Variants in CLSTN1 observed in about 807,000 individuals in gnomAD.
CLSTN1 encodes calsyntenin 1, also known as calsyntenin-1.
In CLSTN1, 28 loss-of-function variants were observed where a neutral mutation model predicts 108.3. That is an observed-to-expected ratio of 0.26 (90% CI 0.19 to 0.35). The LOEUF (loss-of-function observed/expected upper bound fraction) is 0.35, where lower values mean the gene tolerates loss of function less well. Ranked by LOEUF, CLSTN1 falls within the 10% of genes least tolerant of loss-of-function variation. The pLI, the probability that CLSTN1 is intolerant of heterozygous loss-of-function variation, is 1.00. For missense variants in CLSTN1, 1,157 were observed against 1,302.6 expected (o/e 0.89, Z 1.72); for synonymous variants, 524 against 534.9 (o/e 0.98, Z 0.28).
rs531140267 is a variant in CLSTN1 at position 9,784,236 on chromosome 1, G to A, written c.92-10842C>T. The stretch of plus-strand genomic sequence containing the variant: ...CATGCACCTGTAACCCCAGCTACTC[G>A]GAAGGTTGAGGCAGGGGAATCTCTT... On this transcript the variant is annotated intron_variant, in intron 1 of 18. Transcript: ENST00000377298. 2.3e-4 allele frequency among the ~76,000 whole-genome samples: 35 copies of A among 151,854 alleles called. No homozygotes were observed. The East Asian group carries it at 5.2e-3, about 23-fold the overall frequency.
intron 2 of CLSTN1, among the ~76,000 whole-genome samples, chr1:9,767,371 C>T (rs1402242068): frequency 8.6e-5 from 13 of 152,008 alleles, no homozygotes; most frequent in Non-Finnish European, 1.8e-4. Context: ...GGTAAAACCC[C>T]GTCTCTAATA....
Position 9,731,861 on chromosome 1 carries a change from G to A in CLSTN1, c.2463C>T (p.His821=), listed in dbSNP as rs745837689. The change falls in exon 17 of 19, where the codon CAC becomes CAT. Residue 821 remains histidine, a synonymous_variant. Transcript: ENST00000377298. The part of the protein sequence containing the change: ...NVIHTANPME[H]ANHMAAQPQF... ...GTGGCTGGGCAGCCATGTGGTTGGC[G>A]TGTTCCATGGGGTTGGCCGTGTGGA... The A allele has an allele frequency of 9.3e-6, 15 of 1,614,068 alleles. No individual in the cohort carries two copies. Among genetic ancestry groups the A allele is most frequent in the African/African-American group, 1.3e-5 (1 of 74,918 alleles).
At chr1:9,751,728 T>A in intron 4 of CLSTN1, 47 bp from the exon 5 acceptor site, 2 of 1,550,748 alleles carry the variant, frequency 1.3e-6, no homozygotes, top group South Asian at 1.1e-5. Context: ...GTTTTCAGTG[T>A]GAGAGAGAGA....
intron 2 of CLSTN1, among the ~76,000 whole-genome samples, chr1:9,759,070 CAAG>C (rs1430965504): frequency 6.6e-6 from 1 of 152,128 alleles, no homozygotes; most frequent in Non-Finnish European, 1.5e-5. Context: ...GTGGCTGCTG[CAAG>C]AAGACAATGG....
intron 7 of CLSTN1, among the ~76,000 whole-genome samples, chr1:9,744,913 C>A (rs1302658373): frequency 6.6e-6 from 1 of 151,752 alleles, no homozygotes. Flanking sequence ...CCCATTAAAA[C>A]TGGCTAATTT....
rs186953556 is a variant in CLSTN1, at chr1:9,788,734, G to A, written c.92-15340C>T. Among the ~76,000 whole-genome samples, 246 of 150,974 alleles carry A rather than the reference G, an allele frequency of 1.6e-3. 2 individuals are homozygous for A. Among genetic ancestry groups the A allele is most frequent in the African/African-American group, 5.6e-3 (231 of 41,440 alleles). ...ATGCAAAACATTTGCCAGGCGTGGT[G>A]GCGGGTGCCTGCAGTCCCAGCTCCT... On this transcript the variant is annotated intron_variant, in intron 1 of 18. Coordinates refer to ENST00000377298, the MANE Select transcript of CLSTN1 (RefSeq NM_001009566.3).
At chr1:9,744,808 C>T (rs979051115) in intron 7 of CLSTN1, among the ~76,000 whole-genome samples, 165 bp from the exon 8 acceptor site, 3 of 151,914 alleles carry the variant, frequency 2.0e-5, no homozygotes, top group African/African-American at 7.3e-5. Context: ...GGCTGGAGTA[C>T]AGTGGCGCGA....
intron 1 of CLSTN1, among the ~76,000 whole-genome samples, chr1:9,785,973 C>T (rs2101205698): frequency 1.3e-5 from 2 of 151,682 alleles, no homozygotes; most frequent in South Asian, 2.1e-4. Flanking sequence ...TTCAGGAGTT[C>T]GACACCAGCC....
chr1:9,751,321 G>A (rs946116442), intron 5 of CLSTN1, 152 bp downstream of exon 5: 18 of 685,408 alleles, frequency 2.6e-5, no homozygotes, highest in Non-Finnish European at 4.1e-5. Context: ...AAACTTAAAT[G>A]TTTTTACAAT....
intron 1 of CLSTN1, among the ~76,000 whole-genome samples, chr1:9,810,904 A>G (rs1488353132): frequency 6.6e-6 from 1 of 152,136 alleles, no homozygotes; most frequent in African/African-American, 2.4e-5. Flanking sequence ...TCTCTGATCA[A>G]TTCTCTTGCT....
chr1:9,802,178 T>C (rs903339533), intron 1 of CLSTN1, among the ~76,000 whole-genome samples: 1 of 152,212 alleles, frequency 6.6e-6, no homozygotes, highest in African/African-American at 2.4e-5. Flanking sequence ...TCAGAGTTCA[T>C]GCTCATAACT....
At position 9,730,332 on chromosome 1, in the gene CLSTN1, G is replaced by A. The variant is rs1650286926; in HGVS notation, c.*176C>T. ...TGGGACTGAAGAGCGCGACCAGGCA[G>A]AGGGTGGGCGGGGAGCCTAGGGTCC... On this transcript the variant is annotated 3_prime_UTR_variant, in exon 19 of 19. Coordinates refer to ENST00000377298, the MANE Select transcript of CLSTN1 (RefSeq NM_001009566.3). This position sits in a 1 kb window ranked among gnomAD's most constrained non-coding sequence, Gnocchi z 5.6. The A allele has an allele frequency of 1.5e-6, 1 of 673,494 alleles. No individual in the cohort carries two copies. 41.7% of individuals were successfully genotyped at this position (673,494 alleles called of 1,614,324 possible).
At chr1:9,816,899 G>A (rs1654995673) in intron 1 of CLSTN1, among the ~76,000 whole-genome samples, 3 of 152,156 alleles carry the variant, frequency 2.0e-5, no homozygotes, top group Admixed American at 6.5e-5. Flanking sequence ...CGCCCACCTC[G>A]GCCTCCCGAA....
At chr1:9,759,404 T>C (rs1264643187) in intron 2 of CLSTN1, among the ~76,000 whole-genome samples, 1 of 152,090 alleles carries the variant, frequency 6.6e-6, no homozygotes, top group African/African-American at 2.4e-5. Context: ...GCCTCCCGAG[T>C]AGCTGGGATT....
rs146539393 is a variant in CLSTN1, at chr1:9,787,913, C to G, written c.92-14519G>C. On this transcript the variant is annotated intron_variant, in intron 1 of 18. Coordinates refer to ENST00000377298, the MANE Select transcript of CLSTN1 (RefSeq NM_001009566.3). Reference sequence around the variant, plus strand: ...ATACTAACTTCCTATTTCCCCTCCCCCAGCCCCTGGCAGCCACCATTCTAT... The same window carrying G: ...ATACTAACTTCCTATTTCCCCTCCCGCAGCCCCTGGCAGCCACCATTCTAT... Among the ~76,000 whole-genome samples, 652 of 151,360 alleles carry G rather than the reference C, an allele frequency of 4.3e-3. 38 individuals carry two copies. The East Asian group carries it at 0.045, about 11-fold the overall frequency.
chr1:9,731,175 T>TC, intron 18 of CLSTN1, 31 bp downstream of exon 18: 2 of 1,613,648 alleles, frequency 1.2e-6, no homozygotes, highest in Non-Finnish European at 1.7e-6. Context: ...GTGCTGCCTC[T>TC]CAGTCCTGGA....
chr1:9,766,565 C>G (rs1174791319), intron 2 of CLSTN1, among the ~76,000 whole-genome samples: 3 of 152,130 alleles, frequency 2.0e-5, no homozygotes, highest in Non-Finnish European at 2.9e-5. Flanking sequence ...GAGGCTGAGG[C>G]ATGAGAATTG....
At chr1:9,748,687 C>A (rs78604705) in intron 7 of CLSTN1, among the ~76,000 whole-genome samples, 1 of 152,134 alleles carries the variant, frequency 6.6e-6, no homozygotes, top group Non-Finnish European at 1.5e-5. Flanking sequence ...AGGGTTTTCT[C>A]CATGTTGGTC....
rs767755297 is a variant in CLSTN1, at chr1:9,751,467, T to G, written c.649+6A>C. On this transcript the variant is annotated splice_donor_region_variant and intron_variant, in intron 5 of 18. Transcript: ENST00000377298. ...CTAGCTGAAAAGCCGGCTCCTCGAT[T>G]CTTACCATCTTTGTCAACAGTAAAG... 9 of 1,613,864 alleles carry G rather than the reference T, an allele frequency of 5.6e-6. No individual in the cohort carries two copies. The Admixed American group carries it at 8.3e-5, about 15-fold the overall frequency.
Sources: allele counts gnomAD v4.1 joint callset (sites outside exome capture counted in the v4.1 genomes callset), GRCh38; gene constraint gnomAD v4.1.1; non-coding constraint Gnocchi (gnomAD v3.1); transcripts MANE v1.5; gene names NCBI Gene and HGNC (gene_info 2026-07-23, HGNC 2026-07-21).